SGCZ: variants seen among roughly 807,000 people sequenced by gnomAD.
The protein encoded by SGCZ is zeta-sarcoglycan.
SGCZ carries 40 observed loss-of-function variants against 41.3 expected under a neutral mutation model. The ratio of observed to expected loss-of-function variants is 0.97; its 90% CI spans 0.75 to 1.26. The LOEUF is 1.26. Among genes scored for constraint, SGCZ ranks in the 50% most tolerant of loss-of-function variants. The probability of loss-of-function intolerance (pLI) is 0.00; values close to 1 mark genes in which losing one functional copy is unlikely to be tolerated. For synonymous variants in SGCZ, 206 were observed against 137.5 expected (o/e 1.50, Z -3.49); for missense variants, 552 against 369.8 (o/e 1.49, Z -4.04).
intron 1 of SGCZ, among the ~76,000 whole-genome samples, chr8:14,914,269 T>C (rs767063306): frequency 3.1e-4 from 46 of 149,702 alleles, no homozygotes; most frequent in Non-Finnish European, 5.0e-4. Context: ...AATTAACTAA[T>C]GTAATAAACA....
intron 1 of SGCZ, among the ~76,000 whole-genome samples, chr8:15,008,487 A>G (rs1006547105): frequency 1.4e-5 from 2 of 144,762 alleles, no homozygotes; most frequent in African/African-American, 5.2e-5. Flanking sequence ...GAATGAAAAA[A>G]TAAAAATAAA....
intron 1 of SGCZ, among the ~76,000 whole-genome samples, chr8:15,032,242 C>A (rs951292832): frequency 1.3e-5 from 2 of 151,950 alleles, no homozygotes; most frequent in African/African-American, 4.8e-5. Context: ...TTTGCAAAAG[C>A]TAAGGAAACC....
rs551366578 is a variant in SGCZ, at chr8:14,960,966, C to A, written c.39+276619G>T. On this transcript the variant is annotated intron_variant, in intron 1 of 7. Coordinates refer to ENST00000382080, the MANE Select transcript of SGCZ (RefSeq NM_139167.4). ...ACACACACACACACACACACACACT[C>A]ACTCAAGCAGAAATCACAAAGCCAA... 4.4e-4 allele frequency among the ~76,000 whole-genome samples: 49 copies of A among 110,596 alleles called. 2 individuals are homozygous for A. The South Asian group carries it at 0.015, about 33-fold the overall frequency. The allele number at this position is 110,596 out of a possible 152,430, so 72.6% of individuals were successfully genotyped here.
intron 1 of SGCZ, among the ~76,000 whole-genome samples, chr8:14,632,966 A>G (rs1285732517): frequency 1.3e-5 from 2 of 151,790 alleles, no homozygotes; most frequent in Non-Finnish European, 2.9e-5. Context: ...TTGCTTGTTA[A>G]TAAGTGAATT....
At chr8:14,767,245 A>T (rs906706930) in intron 1 of SGCZ, among the ~76,000 whole-genome samples, 1 of 152,122 alleles carries the variant, frequency 6.6e-6, no homozygotes, top group African/African-American at 2.4e-5. Flanking sequence ...CCCCCTCACA[A>T]TTCCCCTGAA....
chr8:15,015,853 G>A (rs1016384598), intron 1 of SGCZ, among the ~76,000 whole-genome samples: 7 of 150,056 alleles, frequency 4.7e-5, no homozygotes, highest in Non-Finnish European at 1.0e-4. Context: ...ATTCTTACTT[G>A]CAACTTATTG....
chr8:14,509,844 G>A (rs896489496), intron 2 of SGCZ, among the ~76,000 whole-genome samples: 2 of 152,064 alleles, frequency 1.3e-5, no homozygotes, highest in Non-Finnish European at 2.9e-5. Flanking sequence ...GAGAAGAGGG[G>A]CAAAGTGGGG....
chr8:14,807,764 C>T (rs936366751), intron 1 of SGCZ, among the ~76,000 whole-genome samples: 4 of 152,036 alleles, frequency 2.6e-5, no homozygotes, highest in African/African-American at 7.2e-5. Flanking sequence ...AAAGAGCCCG[C>T]ATCACCAAGT....
At chr8:14,615,095 G>C (rs963157389) in intron 1 of SGCZ, among the ~76,000 whole-genome samples, 20 of 152,046 alleles carry the variant, frequency 1.3e-4, no homozygotes, top group Admixed American at 3.9e-4. Flanking sequence ...AACATTTATA[G>C]TAGACATAAT....
chr8:14,999,190 T>C (rs1440614566), intron 1 of SGCZ, among the ~76,000 whole-genome samples: 9 of 152,160 alleles, frequency 5.9e-5, no homozygotes, highest in Non-Finnish European at 1.3e-4. Flanking sequence ...AACCAGTCAC[T>C]TATCTAATAC....
In SGCZ at chr8:14,251,049, G is replaced by A. The variant is rs369952331; in HGVS notation, c.337-13370C>T. ...TCAAGACCAGCCTGGCCAACATGGC[G>A]AAACCCCGTCTCTACTTAAAGTACA... On this transcript the variant is annotated intron_variant, in intron 3 of 7. Transcript: ENST00000382080. Among the ~76,000 whole-genome samples, 200 of 152,068 alleles carry A rather than the reference G, an allele frequency of 1.3e-3. 1 individual carries two copies. The highest frequency in any genetic ancestry group is 1.8e-3 in the Non-Finnish European group (124 of 68,002).
intron 1 of SGCZ, among the ~76,000 whole-genome samples, chr8:14,642,514 T>A (rs188186029): frequency 3.3e-5 from 5 of 150,866 alleles, no homozygotes; most frequent in African/African-American, 1.2e-4. Context: ...GTATCGACCT[T>A]ACATATTGGC....
intron 2 of SGCZ, among the ~76,000 whole-genome samples, chr8:14,384,938 G>A (rs771742252): frequency 5.3e-5 from 8 of 152,312 alleles, no homozygotes; most frequent in South Asian, 2.1e-4. Context: ...AAAATGTTAC[G>A]TCAGAGGACT....
At chr8:14,402,968 G>A (rs1244287243) in intron 2 of SGCZ, among the ~76,000 whole-genome samples, 2 of 149,706 alleles carry the variant, frequency 1.3e-5, no homozygotes, top group South Asian at 2.1e-4. Context: ...ATTTCCTTGA[G>A]CAGTGGTTTG....
chr8:15,016,786 G>C (rs1040157133), intron 1 of SGCZ, among the ~76,000 whole-genome samples: 2 of 152,194 alleles, frequency 1.3e-5, no homozygotes, highest in Non-Finnish European at 2.9e-5. Context: ...TAAGCATGGT[G>C]CCAGCATCTG....
chr8:14,445,055 A>G (rs757643561), intron 2 of SGCZ, among the ~76,000 whole-genome samples: 1 of 152,200 alleles, frequency 6.6e-6, no homozygotes, highest in Non-Finnish European at 1.5e-5. Context: ...ACCTAAGGCC[A>G]ATTAAGCTTG....
At chr8:14,132,066 C>G (rs1359621242) in intron 5 of SGCZ, among the ~76,000 whole-genome samples, 1 of 152,054 alleles carries the variant, frequency 6.6e-6, no homozygotes, top group Non-Finnish European at 1.5e-5. Flanking sequence ...CTTATTTGAC[C>G]TCCATGATAC....
chr8:14,133,553 G>C (rs776980869), intron 5 of SGCZ, among the ~76,000 whole-genome samples: 7 of 152,166 alleles, frequency 4.6e-5, no homozygotes, highest in Admixed American at 1.3e-4. Flanking sequence ...TCTGTTCTAA[G>C]AACACTAATT....
chr8:15,129,201 G>T (rs2034759), intron 1 of SGCZ, among the ~76,000 whole-genome samples: 73 of 151,564 alleles, frequency 4.8e-4, no homozygotes, highest in African/African-American at 1.6e-3. Flanking sequence ...TGACTTTTTC[G>T]TATTGCCGGG....
Sources: allele counts gnomAD v4.1 joint callset (sites outside exome capture counted in the v4.1 genomes callset), GRCh38; gene constraint gnomAD v4.1.1; transcripts MANE v1.5; gene names NCBI Gene and HGNC (gene_info 2026-07-23, HGNC 2026-07-21).